The following WTIP variants were observed in gnomAD, a reference collection of about 807,000 sequenced individuals.
WTIP encodes WT1 interacting protein, also known as Wilms tumor protein 1-interacting protein.
WTIP carries 23 observed loss-of-function variants against 41.7 expected under a neutral mutation model. That is an observed-to-expected ratio of 0.55 (90% CI 0.40 to 0.78). The LOEUF (loss-of-function observed/expected upper bound fraction) is 0.78. WTIP is among the 30% of genes least tolerant of loss of function. The pLI, the probability that WTIP is intolerant of heterozygous loss-of-function variation, is 0.00. For synonymous variants in WTIP, 314 were observed against 269.9 expected, an observed-to-expected ratio of 1.16 and a Z score of -1.60; for missense variants, 619 against 610.5, an observed-to-expected ratio of 1.01 and a Z score of -0.15.
At chr19:34,482,970 T>A (rs1019566388) in intron 1 of WTIP, among the ~76,000 whole-genome samples, 4 of 150,066 alleles carry the variant, frequency 2.7e-5, no homozygotes, top group Non-Finnish European at 5.9e-5. Context: ...TTTCTGATAA[T>A]TTTTTCTTCT....
Position 34,493,163 on chromosome 19 carries a change from T to A in WTIP, c.837+59T>A. The A allele has an allele frequency of 6.2e-7, 1 of 1,613,204 alleles. No homozygotes were observed. The highest frequency in any genetic ancestry group is 8.5e-7 in the Non-Finnish European group (1 of 1,179,246). ...GTGGGAGGTGGGGCAGGGACCCTCA[T>A]TCTGACTCGAGTGGAGACCTGAGGC... On this transcript the variant is annotated intron_variant, in intron 3 of 7. Coordinates refer to ENST00000590071, the MANE Select transcript of WTIP (RefSeq NM_001080436.2). The surrounding 1 kb of genome is among the most constrained non-coding windows in gnomAD (Gnocchi z 4.1).
chr19:34,489,622 G>T (rs947216099), intron 1 of WTIP, among the ~76,000 whole-genome samples: 5 of 109,458 alleles, frequency 4.6e-5, no homozygotes, highest in South Asian at 2.5e-4. Context: ...GGATGAAAGG[G>T]CTTAAAGCAA....
rs577199299 is a variant in WTIP, at chr19:34,509,567, C to T, written c.*9298C>T. On this transcript the variant is annotated 3_prime_UTR_variant, in exon 8 of 8. Coordinates refer to ENST00000590071, the MANE Select transcript of WTIP (RefSeq NM_001080436.2). ...CAGAGCCAAACGATATCATTCTGCCCCTGGCCCCTTCAAATCTCATGTCCT... is the reference window on the plus strand; with the variant it reads ...CAGAGCCAAACGATATCATTCTGCCTCTGGCCCCTTCAAATCTCATGTCCT... The T allele has an allele frequency of 6.6e-6, 1 of 152,214 alleles. No individual in the cohort carries two copies. The highest frequency in any genetic ancestry group is 2.4e-5 in the African/African-American group (1 of 41,532). 9.4% of individuals were successfully genotyped at this position (152,214 alleles called of 1,614,324 possible). A position where few individuals can be genotyped will look rare whatever the true frequency, so the allele number is the denominator to read the frequency against.
chr19:34,502,602 T>C lies in WTIP; in HGVS notation c.*2333T>C, dbSNP rs750272957. ...GCCTGGCTAATTTTTGTATTTTTAG[T>C]AGAGTCGGGGTTTCACCATGTTGGC... On this transcript the variant is annotated 3_prime_UTR_variant, in exon 8 of 8. Coordinates refer to ENST00000590071, the MANE Select transcript of WTIP (RefSeq NM_001080436.2). 1 of 152,230 alleles carries C rather than the reference T, an allele frequency of 6.6e-6. No individual in the cohort carries two copies. Among genetic ancestry groups the C allele is most frequent in the Non-Finnish European group, 1.5e-5 (1 of 68,100 alleles). The allele number at this position is 152,230 out of a possible 1,614,324, so 9.4% of individuals were successfully genotyped here. A position where few individuals can be genotyped will look rare whatever the true frequency, so the allele number is the denominator to read the frequency against.
Position 34,481,941 on chromosome 19 carries a change from C to T in WTIP, c.-34C>T, listed in dbSNP as rs2075768490. Reference sequence around the variant, plus strand: ...CCGGAGCGGCGGCGGGAAGCGGAGGCGGAGGTGACGCGCCAGGGCCGGCGG... The same window carrying T: ...CCGGAGCGGCGGCGGGAAGCGGAGGTGGAGGTGACGCGCCAGGGCCGGCGG... On this transcript the variant is annotated 5_prime_UTR_variant, in exon 1 of 8. Transcript: ENST00000590071. The T allele has an allele frequency of 1.0e-6, 1 of 990,410 alleles. No homozygotes were observed. 61.4% of individuals were successfully genotyped at this position (990,410 alleles called of 1,614,324 possible). A position where few individuals can be genotyped will look rare whatever the true frequency, so the allele number is the denominator to read the frequency against.
chr19:34,497,678 G>A (rs1401099958), intron 7 of WTIP, among the ~76,000 whole-genome samples: 2 of 152,210 alleles, frequency 1.3e-5, no homozygotes, highest in East Asian at 1.9e-4. Flanking sequence ...TGGCGGTGGG[G>A]AATCTGCAGT....
At chr19:34,482,752 G>A (rs1254779404) in intron 1 of WTIP, 111 bp downstream of exon 1, 4 of 1,200,286 alleles carry the variant, frequency 3.3e-6, no homozygotes, top group Admixed American at 4.4e-5. Context: ...GGCTGGCTGG[G>A]GGTGCAGCAG....
rs1157022113 is a variant in WTIP at position 34,510,093 on chromosome 19, CCTT to C, written c.*9831_*9833del. On this transcript the variant is annotated 3_prime_UTR_variant, in exon 8 of 8. Transcript: ENST00000590071. ...CATTCTGATGTTTGGAGGATGGTGG[CCTT>C]CTTCTTACAGCTCTACTAGGCAGTA... The C allele has an allele frequency of 2.0e-5, 3 of 152,122 alleles. No individual in the cohort carries two copies. The highest frequency in any genetic ancestry group is 4.8e-5 in the African/African-American group (2 of 41,394). 9.4% of individuals were successfully genotyped at this position (152,122 alleles called of 1,614,324 possible).
Position 34,511,690 on chromosome 19 carries a change from A to G in WTIP, c.*11421A>G, listed in dbSNP as rs1426003876. The G allele has an allele frequency of 2.0e-5, 3 of 152,212 alleles. No homozygotes were observed. The highest frequency in any genetic ancestry group is 7.2e-5 in the African/African-American group (3 of 41,456). The allele number at this position is 152,212 out of a possible 1,614,324, so 9.4% of individuals were successfully genotyped here. ...TCCTTACCAACCCTAGGTATTGCCA[A>G]TAAGAAAACAAAGTCTGTATCAATT... On this transcript the variant is annotated 3_prime_UTR_variant, in exon 8 of 8. Coordinates refer to ENST00000590071, the MANE Select transcript of WTIP (RefSeq NM_001080436.2).
At chr19:34,484,399 G>A (rs985243671) in intron 1 of WTIP, among the ~76,000 whole-genome samples, 2 of 152,140 alleles carry the variant, frequency 1.3e-5, no homozygotes, top group Non-Finnish European at 2.9e-5. Flanking sequence ...TGGGCTAAGA[G>A]GAGGTGCGCC....
intron 1 of WTIP, among the ~76,000 whole-genome samples, chr19:34,484,319 G>A (rs1007829035): frequency 2.0e-5 from 3 of 152,162 alleles, no homozygotes; most frequent in African/African-American, 4.8e-5. Context: ...AGGCCAGGCG[G>A]GATGAGAGAT....
rs897339985 is a variant in WTIP, at chr19:34,510,396, A to G, written c.*10127A>G. On this transcript the variant is annotated 3_prime_UTR_variant, in exon 8 of 8. Transcript: ENST00000590071. ...AGCTGTACCTTGGCCCCTTTTAGCA[A>G]TGGCTGGAGTGGCTGGGACACAAGG... 6.6e-6 allele frequency: 1 copy of G among 152,246 alleles called. No homozygotes were observed. The highest frequency in any genetic ancestry group is 1.9e-4 in the East Asian group (1 of 5,192). The allele number at this position is 152,246 out of a possible 1,614,324, so 9.4% of individuals were successfully genotyped here.
chr19:34,493,712 C>T lies in WTIP; in HGVS notation c.1031+90C>T. 6.4e-7 allele frequency: 1 copy of T among 1,567,014 alleles called. No individual in the cohort carries two copies. The highest frequency in any genetic ancestry group is 1.2e-5 in the South Asian group (1 of 86,206). On this transcript the variant is annotated intron_variant, in intron 5 of 7. Transcript: ENST00000590071. The surrounding 1 kb of genome is among the most constrained non-coding windows in gnomAD (Gnocchi z 4.1). ...TTTTTTTCCTGCTGGACTGACTGCCCTTTGTTCTTGGCCTTTTGCCTTCCG... is the reference window on the plus strand; with the variant it reads ...TTTTTTTCCTGCTGGACTGACTGCCTTTTGTTCTTGGCCTTTTGCCTTCCG...
chr19:34,482,137 G>A lies in WTIP; in HGVS notation c.163G>A (p.Gly55Ser), dbSNP rs1213178950. The change falls in exon 1 of 8, where the codon GGC becomes AGC. Residue 55 changes from glycine (G) to serine (S), a missense_variant. Around this residue, in one of 3 missense-constraint regions of WTIP, gnomAD observed 363 missense variants for 309.0 expected, o/e 1.17. Coordinates refer to ENST00000590071, the MANE Select transcript of WTIP (RefSeq NM_001080436.2). The part of the protein sequence containing the change: ...AAPALGRRGK[G>S]SGGPEAGADG... The stretch of plus-strand genomic sequence containing the variant: ...GCCCGCGCTGGGCCGCAGAGGGAAG[G>A]GCAGCGGCGGCCCCGAGGCCGGGGC... 1 of 1,058,108 alleles carries A rather than the reference G, an allele frequency of 9.5e-7. No individual in the cohort carries two copies. The highest frequency in any genetic ancestry group is 1.1e-6 in the Non-Finnish European group (1 of 878,792). 65.5% of individuals were successfully genotyped at this position (1,058,108 alleles called of 1,614,324 possible).
rs1240165101 is a variant in WTIP, at chr19:34,506,592, A to G, written c.*6323A>G. ...GCCAACATGGCGAAACCCCGTCTCT[A>G]CTAAAATTACAAAAACTAGCCAGGT... On this transcript the variant is annotated 3_prime_UTR_variant, in exon 8 of 8. Transcript: ENST00000590071. The G allele has an allele frequency of 6.6e-6, 1 of 151,958 alleles. No individual in the cohort carries two copies. The highest frequency in any genetic ancestry group is 1.5e-5 in the Non-Finnish European group (1 of 68,014). The allele number at this position is 151,958 out of a possible 1,614,324, so 9.4% of individuals were successfully genotyped here.
In WTIP at chr19:34,482,361, T is replaced by C; in HGVS notation, c.387T>C (p.Arg129=). The C allele has an allele frequency of 7.3e-7, 1 of 1,372,614 alleles. No homozygotes were observed. The highest frequency in any genetic ancestry group is 9.4e-7 in the Non-Finnish European group (1 of 1,058,370). The allele number at this position is 1,372,614 out of a possible 1,614,324, so 85.0% of individuals were successfully genotyped here. ...GSPRSGRSDP[R]PGPGPPSVGS... ...CGCGCTCCGGTCGCTCGGACCCGCG[T>C]CCCGGTCCCGGGCCGCCTTCGGTGG... is the stretch of plus-strand genomic sequence containing the variant. Residue 129 remains arginine, a synonymous_variant, in exon 1 of 8, where the codon CGT becomes CGC. Transcript: ENST00000590071.
chr19:34,500,198 C>G lies in WTIP; in HGVS notation c.1222C>G (p.Arg408Gly), dbSNP rs996037505. 1.0e-5 allele frequency: 16 copies of G among 1,605,180 alleles called. No individual in the cohort carries two copies. The highest frequency in any genetic ancestry group is 5.1e-6 in the Non-Finnish European group (6 of 1,179,708). The change falls in exon 8 of 8, where the codon CGT becomes GGT. Residue 408 changes from arginine to glycine, a missense_variant. Coordinates refer to ENST00000590071, the MANE Select transcript of WTIP (RefSeq NM_001080436.2). ...TCCCCTGGCGGGCCACCTACTGTGT[C>G]GTCGTTGCCACCTGCGGCGCCTCCA... ...CYPLAGHLLC[R>G]RCHLRRLQPG...
In WTIP at chr19:34,482,178, CG is replaced by C; in HGVS notation, c.208del (p.Glu70SerfsTer231). Reference protein sequence around the residue: ...PEAGADGLSRGERGPRRAAVP... With the variant: ...PEAGADGLSRXERGPRRAAVP... The stretch of plus-strand genomic sequence containing the variant: ...AGGCCGGGGCGGACGGACTGAGCCG[CG>C]GGGAGCGGGGTCCCCGGCGCGCGGC... On this transcript the variant is annotated frameshift_variant, in exon 1 of 8. Coordinates refer to ENST00000590071, the MANE Select transcript of WTIP (RefSeq NM_001080436.2). LOFTEE classifies it high-confidence loss of function. The C allele has an allele frequency of 9.1e-7, 1 of 1,094,040 alleles. No homozygotes were observed. Among genetic ancestry groups the C allele is most frequent in the East Asian group, 6.0e-5 (1 of 16,794 alleles). 67.8% of individuals were successfully genotyped at this position (1,094,040 alleles called of 1,614,324 possible). A position where few individuals can be genotyped will look rare whatever the true frequency, so the allele number is the denominator to read the frequency against.
intron 1 of WTIP, among the ~76,000 whole-genome samples, chr19:34,483,099 A>T (rs375630008): frequency 2.0e-5 from 3 of 147,000 alleles, no homozygotes; most frequent in African/African-American, 7.6e-5. Context: ...TCGCCTCTCA[A>T]GCTGAAGCGA....
Sources: gnomAD v4.1 joint callset for allele counts (sites outside exome capture counted in the v4.1 genomes callset) on GRCh38, gnomAD v4.1.1 for gene constraint, gnomAD v4.1.1 regional missense constraint, Gnocchi (gnomAD v3.1) non-coding constraint, MANE v1.5 for transcripts, NCBI Gene and HGNC (gene_info 2026-07-23, HGNC 2026-07-21) for gene names.